HABP2: variants seen among roughly 807,000 people sequenced by gnomAD.
The protein encoded by HABP2 is hyaluronan binding protein 2.
In HABP2, 65 loss-of-function variants were observed where a neutral mutation model predicts 66.5. The observed-to-expected ratio is 0.98, with a 90% CI of 0.80 to 1.20. The LOEUF is 1.20. Among genes scored for constraint, HABP2 ranks in the 50% most tolerant of loss-of-function variants. The pLI is 0.00. For synonymous variants in HABP2, 263 were observed against 253.9 expected (o/e 1.04, Z -0.34); for missense variants, 786 against 691.0 (o/e 1.14, Z -1.54).
rs1845429178 is a variant in HABP2 at position 113,577,258 on chromosome 10, G to C, written c.440G>C (p.Cys147Ser). ...AAACACCCTTACACAGGTCCCAGCT[G>C]CTCCCAAGGTAAGTGGTGGAGGCCC... is the stretch of plus-strand genomic sequence containing the variant. Reference protein sequence around the residue: ...VCKHPYTGPSCSQVVPVCRPN... With the variant: ...VCKHPYTGPSSSQVVPVCRPN... The change falls in exon 5 of 13, where the codon TGC becomes TCC. Residue 147 changes from cysteine (C) to serine (S), a missense_variant. Transcript: ENST00000351270. The C allele has an allele frequency of 1.3e-6, 2 of 1,573,876 alleles. No individual in the cohort carries two copies. The highest frequency in any genetic ancestry group is 2.7e-5 in the African/African-American group (2 of 74,080).
At chr10:113,555,315 C>T (rs530741124) in intron 1 of HABP2, among the ~76,000 whole-genome samples, 3 of 152,272 alleles carry the variant, frequency 2.0e-5, no homozygotes, top group South Asian at 2.1e-4. Context: ...GACTGGTTTC[C>T]GTGTAGCCAG....
intron 1 of HABP2, among the ~76,000 whole-genome samples, chr10:113,555,369 C>T (rs1335922930): frequency 1.3e-5 from 2 of 152,120 alleles, no homozygotes; most frequent in African/African-American, 2.4e-5. Context: ...TTCTTTGGTT[C>T]GTACAGCTTC....
At chr10:113,587,349 C>A (rs1394136579) in intron 12 of HABP2, among the ~76,000 whole-genome samples, 1 of 148,634 alleles carries the variant, frequency 6.7e-6, no homozygotes, top group African/African-American at 2.5e-5. Context: ...AAAAAAAAAC[C>A]TCATTCAATT....
chr10:113,568,436 C>G (rs1241206011), intron 2 of HABP2, among the ~76,000 whole-genome samples: 1 of 152,176 alleles, frequency 6.6e-6, no homozygotes, highest in Non-Finnish European at 1.5e-5. Context: ...TCAATATTGT[C>G]CAGCAGCAAA....
chr10:113,576,168 T>A (rs1216236811), intron 4 of HABP2, among the ~76,000 whole-genome samples, 164 bp downstream of exon 4: 1 of 152,208 alleles, frequency 6.6e-6, no homozygotes. Flanking sequence ...TCTCACTGGA[T>A]CCTCACCCCT....
At chr10:113,583,848 C>A (rs1251700471) in intron 10 of HABP2, among the ~76,000 whole-genome samples, 2 of 152,118 alleles carry the variant, frequency 1.3e-5, no homozygotes, top group Non-Finnish European at 2.9e-5. Flanking sequence ...TCATGAGACA[C>A]CCCCCCACCT....
chr10:113,551,300 G>C (rs1180101897), upstream of HABP2, among the ~76,000 whole-genome samples: 2 of 152,244 alleles, frequency 1.3e-5, no homozygotes, highest in East Asian at 1.9e-4. Context: ...CAATACGGCT[G>C]TGACATTACA....
chr10:113,564,269 G>T (rs115005111), intron 1 of HABP2, among the ~76,000 whole-genome samples: 498 of 152,174 alleles, frequency 3.3e-3, no homozygotes, highest in African/African-American at 0.011. Context: ...CTCCCACATG[G>T]TCCCTCCTAT....
chr10:113,552,950 ATAGT>A (rs1844923062), upstream of HABP2: 4 of 577,474 alleles, frequency 6.9e-6, no homozygotes, highest in East Asian at 2.9e-5. Context: ...TTTAATCAAG[ATAGT>A]TAGTTTGCAA....
intron 1 of HABP2, among the ~76,000 whole-genome samples, chr10:113,566,299 T>C (rs1032971454): frequency 7.9e-5 from 12 of 152,256 alleles, no homozygotes; most frequent in African/African-American, 2.9e-4. Context: ...CAAACAGGCA[T>C]GGTTGTTTTC....
At chr10:113,571,697 A>C (rs528207647) in intron 2 of HABP2, among the ~76,000 whole-genome samples, 1 of 152,184 alleles carries the variant, frequency 6.6e-6, no homozygotes, top group South Asian at 2.1e-4. Flanking sequence ...CGCCAGGCCT[A>C]GACTTGGTCA....
At chr10:113,577,902 TG>T in intron 5 of HABP2, 123 bp from the exon 6 acceptor site, 1 of 1,078,122 alleles carries the variant, frequency 9.3e-7, no homozygotes. Context: ...CTTTCCCATC[TG>T]GTGACCCATC....
At chr10:113,581,283 T>A (rs1845524742) in intron 8 of HABP2, among the ~76,000 whole-genome samples, 1 of 152,194 alleles carries the variant, frequency 6.6e-6, no homozygotes, top group East Asian at 1.9e-4. Context: ...TATCCCCTCC[T>A]CCAGGAAGTC....
rs184766195 is a variant in HABP2 at position 113,581,102 on chromosome 10, C to T, written c.838+410C>T. On this transcript the variant is annotated intron_variant, in intron 8 of 12. Coordinates refer to ENST00000351270, the MANE Select transcript of HABP2 (RefSeq NM_004132.5). ...TCTTCCTGGCCATCTGTCCTGGCCC[C>T]GCTCTGTGCCCACATCTAGAATGAT... is the stretch of plus-strand genomic sequence containing the variant. 5.4e-4 allele frequency among the ~76,000 whole-genome samples: 83 copies of T among 152,306 alleles called. 1 individual carries two copies. Among genetic ancestry groups the T allele is most frequent in the Admixed American group, 4.0e-3 (61 of 15,304 alleles).
chr10:113,588,517 T>C lies in HABP2; in HGVS notation c.*148T>C. 1 of 596,532 alleles carries C rather than the reference T, an allele frequency of 1.7e-6. No homozygotes were observed. The highest frequency in any genetic ancestry group is 2.9e-6 in the Non-Finnish European group (1 of 347,014). 37.0% of individuals were successfully genotyped at this position (596,532 alleles called of 1,614,324 possible). On this transcript the variant is annotated 3_prime_UTR_variant, in exon 13 of 13. Transcript: ENST00000351270. ...AAGCAGAGACAACTGCCACCCAGCC[T>C]GGGCCTTCCCAGACCAGCATTTGCA...
Position 113,578,162 on chromosome 10 carries a change from C to T in HABP2, c.568+17C>T, listed in dbSNP as rs1034555808. On this transcript the variant is annotated intron_variant, in intron 6 of 12. Transcript: ENST00000351270. Reference sequence around the variant, plus strand: ...GTGAAATAGGTATGGGTCTCTGCCACCATCAGGGCCACAAGTGAGGCCTCT... The same window carrying T: ...GTGAAATAGGTATGGGTCTCTGCCATCATCAGGGCCACAAGTGAGGCCTCT... 4 of 1,613,398 alleles carry T rather than the reference C, an allele frequency of 2.5e-6. No homozygotes were observed. In the African/African-American group the frequency reaches 5.3e-5, roughly 22 times the overall value.
chr10:113,555,941 C>G (rs1001120386), intron 1 of HABP2, among the ~76,000 whole-genome samples: 9 of 152,116 alleles, frequency 5.9e-5, no homozygotes, highest in Non-Finnish European at 1.0e-4. Flanking sequence ...CTGGGCTCAG[C>G]CATAATGGAA....
At chr10:113,586,488 G>C (rs373290428) in intron 12 of HABP2, among the ~76,000 whole-genome samples, 16 of 138,390 alleles carry the variant, frequency 1.2e-4, no homozygotes, top group Non-Finnish European at 1.4e-4. Context: ...GGGGGGGGGG[G>C]GTGTTTTAGC....
chr10:113,581,830 T>C (rs1845539438), intron 8 of HABP2, 46 bp from the exon 9 acceptor site: 3 of 1,607,412 alleles, frequency 1.9e-6, no homozygotes, highest in Admixed American at 3.4e-5. Context: ...GCTGAGGAAC[T>C]GGAGGGAGGC....
Sources: gnomAD v4.1 joint callset for allele counts (sites outside exome capture counted in the v4.1 genomes callset) on GRCh38, gnomAD v4.1.1 for gene constraint, MANE v1.5 for transcripts, NCBI Gene and HGNC (gene_info 2026-07-23, HGNC 2026-07-21) for gene names.